Variants in CCDC178 observed in about 807,000 individuals in gnomAD.
CCDC178 encodes coiled-coil domain containing 178, also known as coiled-coil domain-containing protein 178.
A neutral mutation model predicts 117.4 loss-of-function variants in CCDC178; 126 were observed. That is an observed-to-expected ratio of 1.07 (90% confidence interval 0.93 to 1.24). The LOEUF is 1.24. CCDC178 is among the 50% of genes most tolerant of loss of function. CCDC178 has a pLI of 0.00. For synonymous variants in CCDC178, 283 were observed against 313.4 expected (o/e 0.90, Z 1.02); for missense variants, 1,030 against 986.9 (o/e 1.04, Z -0.59).
At chr18:33,339,255 T>A (rs938575572) in intron 9 of CCDC178, among the ~76,000 whole-genome samples, 1 of 151,848 alleles carries the variant, frequency 6.6e-6, no homozygotes, top group Non-Finnish European at 1.5e-5. Context: ...AGGAAAAAAT[T>A]CAGTGGTATA....
chr18:32,940,320 C>A (rs564538351), intron 22 of CCDC178, among the ~76,000 whole-genome samples: 1 of 151,910 alleles, frequency 6.6e-6, no homozygotes, highest in African/African-American at 2.4e-5. Context: ...TAAAATATAT[C>A]TTTCATTAAC....
chr18:33,227,569 TATATATATATACACACAC>T (rs1393138805), intron 15 of CCDC178, among the ~76,000 whole-genome samples: 1 of 144,262 alleles, frequency 6.9e-6, no homozygotes, highest in African/African-American at 2.5e-5. Flanking sequence ...TATATATATA[TATATATATATACACACAC>T]ACACACACAC....
intron 21 of CCDC178, among the ~76,000 whole-genome samples, chr18:33,065,019 T>G (rs2056987299): frequency 7.2e-6 from 1 of 139,602 alleles, no homozygotes; most frequent in African/African-American, 2.8e-5. Flanking sequence ...CACTCATGTG[T>G]GGAATTGGAA....
intron 14 of CCDC178, among the ~76,000 whole-genome samples, chr18:33,247,228 A>G (rs1394546405): frequency 6.6e-6 from 1 of 151,910 alleles, no homozygotes; most frequent in Non-Finnish European, 1.5e-5. Flanking sequence ...CCTAGCAATC[A>G]GAGTGTGAAC....
chr18:33,303,883 A>T (rs1241903658), intron 11 of CCDC178, among the ~76,000 whole-genome samples: 6 of 152,126 alleles, frequency 3.9e-5, no homozygotes, highest in Non-Finnish European at 5.9e-5. Context: ...AGTCTGCCCC[A>T]GAGTAAATGA....
At chr18:33,148,101 G>A (rs1465781760) in intron 20 of CCDC178, among the ~76,000 whole-genome samples, 74 of 152,102 alleles carry the variant, frequency 4.9e-4, no homozygotes, top group South Asian at 2.1e-4. Flanking sequence ...GTAGCGAGCC[G>A]AGATCATGCC....
chr18:33,379,205 A>G (rs1351036162), intron 5 of CCDC178, among the ~76,000 whole-genome samples: 1 of 137,592 alleles, frequency 7.3e-6, no homozygotes, highest in Non-Finnish European at 1.5e-5. Flanking sequence ...TAATATATAT[A>G]TATTTCCATA....
At chr18:33,080,106 G>C (rs886921618) in intron 21 of CCDC178, among the ~76,000 whole-genome samples, 8 of 152,184 alleles carry the variant, frequency 5.3e-5, no homozygotes, top group African/African-American at 1.9e-4. Flanking sequence ...TAAAAAGAAT[G>C]AGATCATGTC....
rs373162034 is a variant in CCDC178, at chr18:33,174,705, A to T, written c.2238+37191T>A. Among the ~76,000 whole-genome samples the T allele has an allele frequency of 2.0e-5, 3 of 152,172 alleles. No homozygotes were observed. The East Asian group carries it at 5.8e-4, about 29-fold the overall frequency. ...TTGGTTTCATAGTCTTGATTTTATCAAATTATATAAGAACAAATACTTTCT... is the reference window on the plus strand; with the variant it reads ...TTGGTTTCATAGTCTTGATTTTATCTAATTATATAAGAACAAATACTTTCT... On this transcript the variant is annotated intron_variant, in intron 20 of 22. Transcript: ENST00000383096.
At chr18:33,050,424 T>G (rs779689931) in intron 21 of CCDC178, among the ~76,000 whole-genome samples, 1 of 152,170 alleles carries the variant, frequency 6.6e-6, no homozygotes, top group Non-Finnish European at 1.5e-5. Flanking sequence ...ATATCACTGA[T>G]AGCGAAATTA....
At chr18:33,105,034 A>C (rs1405601709) in intron 20 of CCDC178, among the ~76,000 whole-genome samples, 1 of 151,704 alleles carries the variant, frequency 6.6e-6, no homozygotes, top group African/African-American at 2.4e-5. Flanking sequence ...AGAGAAGTAG[A>C]GGCTGATAAG....
At chr18:33,410,901 C>A (rs2063841545) in intron 3 of CCDC178, among the ~76,000 whole-genome samples, 2 of 152,302 alleles carry the variant, frequency 1.3e-5, no homozygotes, top group African/African-American at 4.8e-5. Context: ...ACCCAGAGAT[C>A]AAGCCCCTTA....
At chr18:32,988,110 A>ATAATCATAATC (rs1568200828) in intron 21 of CCDC178, among the ~76,000 whole-genome samples, 60 of 140,776 alleles carry the variant, frequency 4.3e-4, no homozygotes, top group African/African-American at 1.5e-3. Flanking sequence ...TAATAATAAT[A>ATAATCATAATC]ATAATAATAA....
At chr18:33,051,430 A>G (rs2056746297) in intron 21 of CCDC178, among the ~76,000 whole-genome samples, 1 of 152,236 alleles carries the variant, frequency 6.6e-6, no homozygotes, top group South Asian at 2.1e-4. Context: ...AGACAGAAAA[A>G]TAAAGCCACT....
rs555772605 is a variant in CCDC178, at chr18:33,115,639, T to C, written c.2239-22729A>G. The stretch of plus-strand genomic sequence containing the variant: ...TGTCTACTTTACCTGTATGTCTAAA[T>C]CATACATTTGCATACTTCACCTCCC... On this transcript the variant is annotated intron_variant, in intron 20 of 22. Transcript: ENST00000383096. 3.3e-5 allele frequency among the ~76,000 whole-genome samples: 5 copies of C among 152,130 alleles called. No homozygotes were observed. In the South Asian group the frequency reaches 1.0e-3, roughly 32 times the overall value.
At chr18:33,291,210 T>C (rs1169229908) in intron 12 of CCDC178, among the ~76,000 whole-genome samples, 2 of 152,004 alleles carry the variant, frequency 1.3e-5, no homozygotes, top group African/African-American at 2.4e-5. Context: ...AAAAGGAAAA[T>C]GCACAAAGGA....
chr18:33,222,167 T>C (rs2059242490), intron 18 of CCDC178, among the ~76,000 whole-genome samples: 1 of 151,976 alleles, frequency 6.6e-6, no homozygotes, highest in African/African-American at 2.4e-5. Context: ...TTAACAAAAG[T>C]GTAATCATGC....
chr18:32,969,563 G>T (rs1247525628), intron 22 of CCDC178, among the ~76,000 whole-genome samples: 1 of 151,904 alleles, frequency 6.6e-6, no homozygotes, highest in Non-Finnish European at 1.5e-5. Flanking sequence ...TCAGATATTT[G>T]TCCTTCCAAA....
intron 21 of CCDC178, among the ~76,000 whole-genome samples, chr18:33,089,607 TA>T (rs1311427456): frequency 2.0e-5 from 3 of 152,140 alleles, no homozygotes; most frequent in South Asian, 2.1e-4. Flanking sequence ...TTATATAATT[TA>T]AAAAATATAT....
Sources: gnomAD v4.1 joint callset for allele counts (sites outside exome capture counted in the v4.1 genomes callset) on GRCh38, gnomAD v4.1.1 for gene constraint, MANE v1.5 for transcripts, NCBI Gene and HGNC (gene_info 2026-07-23, HGNC 2026-07-21) for gene names.